Variants in NEBL observed in about 807,000 individuals in gnomAD.
The protein encoded by NEBL is LIM and SH3 protein 2.
In NEBL, 122 loss-of-function variants were observed where a neutral mutation model predicts 140.2. The ratio of observed to expected loss-of-function variants is 0.87; its 90% CI spans 0.75 to 1.01. The LOEUF (loss-of-function observed/expected upper bound fraction) is 1.01. Ranked by LOEUF, NEBL falls within the 50% of genes least tolerant of loss-of-function variation. The probability of loss-of-function intolerance (pLI) is 0.00; values close to 1 mark genes in which losing one functional copy is unlikely to be tolerated. For synonymous variants in NEBL, 436 were observed against 398.9 expected, an observed-to-expected ratio of 1.09 and a Z score of -1.11; for missense variants, 1,365 against 1,231.3, an observed-to-expected ratio of 1.11 and a Z score of -1.62.
chr10:21,181,402 G>A (rs191992719), intron 3 of NEBL, among the ~76,000 whole-genome samples: 1 of 151,638 alleles, frequency 6.6e-6, no homozygotes, highest in East Asian at 1.9e-4. Context: ...CTGTAAACTG[G>A]TTAAAAAAAA....
intron 2 of NEBL, among the ~76,000 whole-genome samples, chr10:21,120,232 C>G (rs1421490228): frequency 6.6e-6 from 1 of 151,034 alleles, no homozygotes; most frequent in Non-Finnish European, 1.5e-5. Flanking sequence ...AAAATTAGCC[C>G]TGCATGATGG....
chr10:20,825,243 T>C (rs971653118), intron 18 of NEBL, among the ~76,000 whole-genome samples: 1 of 152,130 alleles, frequency 6.6e-6, no homozygotes, highest in African/African-American at 2.4e-5. Flanking sequence ...CACAGATGAG[T>C]CTAATCAAGG....
chr10:20,895,739 C>A (rs909791632), intron 2 of NEBL, among the ~76,000 whole-genome samples: 1 of 152,048 alleles, frequency 6.6e-6, no homozygotes. Flanking sequence ...TGATTTCCAC[C>A]AGCATCCTTT....
chr10:21,153,944 T>C (rs1386016378), intron 2 of NEBL, among the ~76,000 whole-genome samples: 1 of 152,152 alleles, frequency 6.6e-6, no homozygotes, highest in African/African-American at 2.4e-5. Context: ...ATGAACAAAA[T>C]AGAATGGGCA....
Position 20,812,766 on chromosome 10 carries a change from T to A in NEBL, c.2518+3A>T, listed in dbSNP as rs530651501. 6.2e-7 allele frequency: 1 copy of A among 1,613,792 alleles called. No homozygotes were observed. Among genetic ancestry groups the A allele is most frequent in the South Asian group, 1.1e-5 (1 of 91,074 alleles). ...CACCGGCCGACAAACGCCGTCAGCT[T>A]ACCAACAATGATTCCAGGTCTCCTG... On this transcript the variant is annotated splice_donor_region_variant and intron_variant, in intron 24 of 27. Transcript: ENST00000377122.
At chr10:21,120,938 A>G (rs932698139) in intron 2 of NEBL, among the ~76,000 whole-genome samples, 1 of 152,142 alleles carries the variant, frequency 6.6e-6, no homozygotes, top group African/African-American at 2.4e-5. Flanking sequence ...CTTTGTCCCA[A>G]GATGATGATG....
At chr10:20,824,017 G>T (rs2130858717) in intron 18 of NEBL, among the ~76,000 whole-genome samples, 1 of 152,208 alleles carries the variant, frequency 6.6e-6, no homozygotes, top group Non-Finnish European at 1.5e-5. Flanking sequence ...TTTAGAGGAA[G>T]ATCAATCAGG....
At chr10:21,107,892 C>A (rs1837795684) in intron 2 of NEBL, among the ~76,000 whole-genome samples, 1 of 152,126 alleles carries the variant, frequency 6.6e-6, no homozygotes. Context: ...CTGGTTTAGT[C>A]TTGGGAGGGT....
At chr10:20,976,496 A>G (rs1277963395) in intron 3 of NEBL, among the ~76,000 whole-genome samples, 1 of 152,202 alleles carries the variant, frequency 6.6e-6, no homozygotes, top group Admixed American at 6.5e-5. Flanking sequence ...AGTAGTCACA[A>G]TTGCAAAGAC....
chr10:20,930,277 A>G (rs1834119831), intron 4 of NEBL, among the ~76,000 whole-genome samples: 1 of 152,124 alleles, frequency 6.6e-6, no homozygotes, highest in African/African-American at 2.4e-5. Flanking sequence ...CTACTCCCTC[A>G]TTACAAACAT....
intron 2 of NEBL, among the ~76,000 whole-genome samples, chr10:21,084,976 C>T (rs1283613982): frequency 6.6e-6 from 1 of 152,086 alleles, no homozygotes; most frequent in Non-Finnish European, 1.5e-5. Flanking sequence ...TGGGTTAGTG[C>T]GGAAAAATGT....
chr10:21,171,291 T>C (rs1278227749), intron 2 of NEBL, among the ~76,000 whole-genome samples: 1 of 144,014 alleles, frequency 6.9e-6, no homozygotes, highest in Non-Finnish European at 1.5e-5. Context: ...GCCAAGATCA[T>C]GCCATTGCAC....
chr10:20,833,078 T>C lies in NEBL; in HGVS notation c.1450-1495A>G, dbSNP rs573320008. Among the ~76,000 whole-genome samples, 15 of 152,320 alleles carry C rather than the reference T, an allele frequency of 9.8e-5. No homozygotes were observed. The East Asian group carries it at 2.5e-3, about 26-fold the overall frequency. ...ATTTTTTAATATGAACTTTCAAATG[T>C]AAATGTGTTCTAAAGCACATAGACT... On this transcript the variant is annotated intron_variant, in intron 14 of 27. Transcript: ENST00000377122.
intron 3 of NEBL, among the ~76,000 whole-genome samples, chr10:21,002,530 T>C (rs930076060): frequency 7.9e-5 from 12 of 152,296 alleles, no homozygotes; most frequent in African/African-American, 2.6e-4. Context: ...CACGCTGCTA[T>C]AAAGAACTGA....
intron 1 of NEBL, among the ~76,000 whole-genome samples, chr10:21,263,238 T>G (rs1167823495): frequency 6.6e-6 from 1 of 152,216 alleles, no homozygotes; most frequent in African/African-American, 2.4e-5. Flanking sequence ...TACTGCTCAC[T>G]GCATCACAGC....
At chr10:20,894,021 C>T (rs755692836) in intron 2 of NEBL, among the ~76,000 whole-genome samples, 15 of 152,190 alleles carry the variant, frequency 9.9e-5, no homozygotes, top group Non-Finnish European at 1.9e-4. Context: ...TCCTGCTCTA[C>T]ACGTGATCTA....
chr10:21,196,986 C>A (rs570124253), intron 3 of NEBL, among the ~76,000 whole-genome samples: 3 of 152,132 alleles, frequency 2.0e-5, no homozygotes, highest in Admixed American at 1.3e-4. Context: ...GATGTTATTT[C>A]GTTTTCTCAC....
intron 3 of NEBL, among the ~76,000 whole-genome samples, chr10:21,219,972 G>A (rs1842044514): frequency 6.6e-6 from 1 of 151,084 alleles, no homozygotes; most frequent in East Asian, 2.0e-4. Flanking sequence ...GGAGTACCAT[G>A]GGACGATCTC....
At chr10:21,227,698 C>CT (rs1342921709) in intron 3 of NEBL, among the ~76,000 whole-genome samples, 210 of 87,352 alleles carry the variant, frequency 2.4e-3, no homozygotes, top group African/African-American at 8.8e-3. Flanking sequence ...TCTTCTTCTT[C>CT]TTCTTCTTCT....
Sources: gnomAD v4.1 joint callset for allele counts (sites outside exome capture counted in the v4.1 genomes callset) on GRCh38, gnomAD v4.1.1 for gene constraint, MANE v1.5 for transcripts, NCBI Gene and HGNC (gene_info 2026-07-23, HGNC 2026-07-21) for gene names.